TTC39A: variants seen among roughly 807,000 people sequenced by gnomAD.
TTC39A encodes tetratricopeptide repeat protein 39A.
TTC39A carries 46 observed loss-of-function variants against 82.3 expected under a neutral mutation model. That is an observed-to-expected ratio of 0.56 (90% CI 0.44 to 0.71). The LOEUF is 0.71. Among genes scored for constraint, TTC39A ranks in the 30% least tolerant of loss-of-function variants. The pLI is 0.00. For synonymous variants in TTC39A, 254 were observed against 275.2 expected (o/e 0.92, Z 0.76); for missense variants, 543 against 712.9 (o/e 0.76, Z 2.71).
chr1:51,341,557 G>A (rs1350040978), intron 1 of TTC39A, among the ~76,000 whole-genome samples: 1 of 152,116 alleles, frequency 6.6e-6, no homozygotes, highest in Non-Finnish European at 1.5e-5. Flanking sequence ...TGGGACAAAG[G>A]TTGCTTGAAT....
Position 51,302,240 on chromosome 1 carries a change from G to GCCCC in TTC39A, c.891+113_891+116dup, listed in dbSNP as rs375305601. Reference sequence around the variant, plus strand: ...CTGCTCTCTGGTTGGTTCTCTCTTGGCCCCCCCCCCGCCCCCAGTCTATCC... The same window carrying GCCCC: ...CTGCTCTCTGGTTGGTTCTCTCTTGGCCCCCCCCCCCCCCGCCCCCAGTCTATCC... On this transcript the variant is annotated intron_variant, in intron 11 of 17. Coordinates refer to ENST00000680483, the MANE Select transcript of TTC39A (RefSeq NM_001297663.2). 8.2e-4 allele frequency: 511 copies of GCCCC among 624,046 alleles called. 2 individuals are homozygous for GCCCC. The African/African-American group carries it at 0.01, about 12-fold the overall frequency. 38.7% of individuals were successfully genotyped at this position (624,046 alleles called of 1,614,324 possible). A position where few individuals can be genotyped will look rare whatever the true frequency, so the allele number is the denominator to read the frequency against.
chr1:51,344,862 C>CA (rs1344194275), intron 1 of TTC39A: 1 of 1,203,036 alleles, frequency 8.3e-7, no homozygotes, highest in Non-Finnish European at 1.1e-6. Context: ...GGCCGACCCC[C>CA]ACGCCCAGCA....
Position 51,301,722 on chromosome 1 carries a change from A to G in TTC39A, c.903T>C (p.Arg301=), listed in dbSNP as rs781746443. The stretch of plus-strand genomic sequence containing the variant: ...GCTGGGCCTCACAGCACTCCTCGAA[A>G]CGCCGGATGGCCTGCAGGCACCTTC... ...IKGNIDAAIR[R]FEECCEAQQH... Residue 301 remains arginine, a synonymous_variant, in exon 12 of 18, where the codon CGT becomes CGC. Coordinates refer to ENST00000680483, the MANE Select transcript of TTC39A (RefSeq NM_001297663.2). 1.2e-6 allele frequency: 2 copies of G among 1,605,648 alleles called. No individual in the cohort carries two copies. Among genetic ancestry groups the G allele is most frequent in the South Asian group, 2.2e-5 (2 of 90,972 alleles).
Position 51,288,876 on chromosome 1 carries a change from T to A in TTC39A, c.1573A>T (p.Arg525Ter). The A allele has an allele frequency of 6.2e-7, 1 of 1,612,114 alleles. No individual in the cohort carries two copies. Among genetic ancestry groups the A allele is most frequent in the Non-Finnish European group, 8.5e-7 (1 of 1,179,166 alleles). ...ELALLLMEQDRNEEAIKLLES... is the reference protein window; with the variant it reads ...ELALLLMEQD ...AAAAGTTTGATGGCCTCTTCGTTTC[T>A]GTCTTGCTCCATAAGCAGCAGGGCC... Residue 525 changes from arginine (R) to a stop codon, truncating the protein, a stop_gained, in exon 17 of 18, where the codon AGA becomes TGA. Transcript: ENST00000680483. LOFTEE classifies it high-confidence loss of function. This position sits in a 1 kb window ranked among gnomAD's most constrained non-coding sequence, Gnocchi z 4.8.
intron 11 of TTC39A, 117 bp downstream of exon 11, chr1:51,302,240 G>GGCCCC: frequency 1.6e-6 from 1 of 623,704 alleles, no homozygotes. Context: ...TTCTCTCTTG[G>GGCCCC]CCCCCCCCCC....
intron 16 of TTC39A, 129 bp downstream of exon 16, chr1:51,289,876 G>A: frequency 2.9e-6 from 2 of 700,206 alleles, no homozygotes; most frequent in Non-Finnish European, 4.8e-6. Context: ...GTGGACACTG[G>A]TTTAGTACCT....
At chr1:51,311,018 G>T (rs1243113188) in intron 5 of TTC39A, among the ~76,000 whole-genome samples, 1 of 152,214 alleles carries the variant, frequency 6.6e-6, no homozygotes, top group African/African-American at 2.4e-5. Flanking sequence ...AGTGGAAACA[G>T]CATCCCGGTA....
intron 13 of TTC39A, chr1:51,295,816 G>T: frequency 1.8e-6 from 1 of 548,170 alleles, no homozygotes; most frequent in South Asian, 2.1e-5. Flanking sequence ...AAAGAGACTC[G>T]GAGGAAGACG....
chr1:51,330,804 C>T, upstream of TTC39A: 1 of 416,092 alleles, frequency 2.4e-6, no homozygotes, highest in Non-Finnish European at 4.3e-6. This position sits in a 1 kb window ranked among gnomAD's most constrained non-coding sequence, Gnocchi z 4.5. Flanking sequence ...ACGTCCCCAC[C>T]TATTTGGCGC....
At position 51,287,462 on chromosome 1, in the gene TTC39A, A is replaced by G. The variant is rs1644035473; in HGVS notation, c.*695T>C. ...GAAAGGGCTACACAGCTCTTCCATC[A>G]AGCCCTGGCATTTTCTACTGGTAGA... is the stretch of plus-strand genomic sequence containing the variant. On this transcript the variant is annotated 3_prime_UTR_variant, in exon 18 of 18. Transcript: ENST00000680483. The G allele has an allele frequency of 6.6e-6, 1 of 152,268 alleles. No homozygotes were observed. Among genetic ancestry groups the G allele is most frequent in the African/African-American group, 2.4e-5 (1 of 41,472 alleles). The allele number at this position is 152,268 out of a possible 1,614,324, so 9.4% of individuals were successfully genotyped here.
intron 14 of TTC39A, 83 bp from the exon 15 acceptor site, chr1:51,290,708 A>G: frequency 8.8e-7 from 1 of 1,130,726 alleles, no homozygotes; most frequent in Non-Finnish European, 1.3e-6. Context: ...GGCAGTTCAG[A>G]TCAGAGGTTC....
chr1:51,343,124 A>G (rs746953321), intron 1 of TTC39A: 4 of 454,998 alleles, frequency 8.8e-6, no homozygotes, highest in South Asian at 6.2e-5. Context: ...CGTGCTCCTC[A>G]GAAATCATCC....
In TTC39A at chr1:51,330,498, G is replaced by T; in HGVS notation, c.-21C>A. ...GTCATCGCCGAGGGGCGCGGGCGGC[G>T]CTGCCCCAGCCGGACGCCAATCGCG... On this transcript the variant is annotated 5_prime_UTR_variant, in exon 1 of 18. Coordinates refer to ENST00000680483, the MANE Select transcript of TTC39A (RefSeq NM_001297663.2). This position sits in a 1 kb window ranked among gnomAD's most constrained non-coding sequence, Gnocchi z 4.5. The T allele has an allele frequency of 1.0e-6, 1 of 983,688 alleles. No individual in the cohort carries two copies. The allele number at this position is 983,688 out of a possible 1,614,324, so 60.9% of individuals were successfully genotyped here.
At position 51,330,546 on chromosome 1, in the gene TTC39A, C is replaced by G; in HGVS notation, c.-69G>C. The stretch of plus-strand genomic sequence containing the variant: ...GCGGCCCAGGTGCTGCCGCCGCAAC[C>G]CCGAGCCGGGCGCTGTGCGGTCGCG... On this transcript the variant is annotated 5_prime_UTR_variant, in exon 1 of 18. Coordinates refer to ENST00000680483, the MANE Select transcript of TTC39A (RefSeq NM_001297663.2). The surrounding 1 kb of genome is among the most constrained non-coding windows in gnomAD (Gnocchi z 4.5). 1 of 983,610 alleles carries G rather than the reference C, an allele frequency of 1.0e-6. No homozygotes were observed. Among genetic ancestry groups the G allele is most frequent in the Non-Finnish European group, 1.2e-6 (1 of 830,024 alleles). The allele number at this position is 983,610 out of a possible 1,614,324, so 60.9% of individuals were successfully genotyped here.
At chr1:51,328,618 G>A (rs1645800502) in intron 1 of TTC39A, among the ~76,000 whole-genome samples, 2 of 152,180 alleles carry the variant, frequency 1.3e-5, no homozygotes, top group Non-Finnish European at 2.9e-5. Flanking sequence ...TCTGGAGAGG[G>A]AAGGAGGGAA....
intron 7 of TTC39A, chr1:51,305,393 G>A (rs936074704): frequency 3.9e-5 from 17 of 431,548 alleles, no homozygotes; most frequent in Non-Finnish European, 6.9e-5. Context: ...GGTTCCTGAG[G>A]CTAAATCTTC....
intron 1 of TTC39A, among the ~76,000 whole-genome samples, chr1:51,338,598 C>CT (rs982499820): frequency 0.03 from 3,373 of 111,794 alleles, 109 homozygotes; most frequent in African/African-American, 0.048. Flanking sequence ...GGAGATTTAT[C>CT]TTTTTTTTTT....
At chr1:51,327,792 G>A (rs1229090647) in intron 1 of TTC39A, among the ~76,000 whole-genome samples, 4 of 151,724 alleles carry the variant, frequency 2.6e-5, no homozygotes, top group South Asian at 2.1e-4. Flanking sequence ...CGCCTCCCGG[G>A]TTCAAGAGAT....
intron 1 of TTC39A, chr1:51,343,014 A>AC (rs1557752961): frequency 6.6e-6 from 3 of 455,642 alleles, no homozygotes; most frequent in African/African-American, 2.0e-5. Flanking sequence ...TACACGGGAG[A>AC]CCCCGAAGGC....
Sources: gnomAD v4.1 joint callset for allele counts (sites outside exome capture counted in the v4.1 genomes callset) on GRCh38, gnomAD v4.1.1 for gene constraint, Gnocchi (gnomAD v3.1) non-coding constraint, MANE v1.5 for transcripts, NCBI Gene and HGNC (gene_info 2026-07-23, HGNC 2026-07-21) for gene names.